The following FER variants were observed in gnomAD, a reference collection of about 807,000 sequenced individuals.
FER encodes FER tyrosine kinase, also known as tyrosine-protein kinase Fer.
FER carries 63 observed loss-of-function variants against 111.0 expected under a neutral mutation model. The ratio of observed to expected loss-of-function variants is 0.57; its 90% CI spans 0.46 to 0.70. The LOEUF (loss-of-function observed/expected upper bound fraction) is 0.70, where lower values mean the gene tolerates loss of function less well. Ranked by LOEUF, FER falls within the 30% of genes least tolerant of loss-of-function variation. The pLI, the probability that FER is intolerant of heterozygous loss-of-function variation, is 0.00. For synonymous variants in FER, 327 were observed against 313.9 expected (o/e 1.04, Z -0.44); for missense variants, 914 against 954.0 (o/e 0.96, Z 0.55).
chr5:108,992,990 G>A lies in FER; in HGVS notation c.1656+33643G>A, dbSNP rs553739091. ...ACTTCCTAGATGGGATGGCGGCCGG[G>A]AAGAGGCGCTCCTCACTTCCTAGAT... On this transcript the variant is annotated intron_variant, in intron 13 of 19. Coordinates refer to ENST00000281092, the MANE Select transcript of FER (RefSeq NM_005246.4). Among the ~76,000 whole-genome samples the A allele has an allele frequency of 5.9e-3, 887 of 151,460 alleles. 4 individuals are homozygous for A. Among genetic ancestry groups the A allele is most frequent in the African/African-American group, 0.021 (849 of 41,052 alleles).
At chr5:108,845,041 CATATATATATATATATAT>C (rs1232663960) in intron 5 of FER, among the ~76,000 whole-genome samples, 13 of 46,388 alleles carry the variant, frequency 2.8e-4, no homozygotes, top group African/African-American at 8.1e-4. Flanking sequence ...TATATATATA[CATATATATATATATATAT>C]ATATATATAC....
intron 3 of FER, chr5:108,818,124 G>A (rs938509888): frequency 3.3e-5 from 5 of 152,126 alleles, no homozygotes; most frequent in East Asian, 3.9e-4. Context: ...CCAAAGAATC[G>A]CATTTAAGAA....
At chr5:109,066,616 A>AT (rs141067249) in intron 16 of FER, among the ~76,000 whole-genome samples, 2,908 of 152,276 alleles carry the variant, frequency 0.019, 202 homozygotes, top group East Asian at 0.15. Flanking sequence ...CGATTAATTT[A>AT]TTTTTTGTTG....
At chr5:109,142,325 C>A (rs527376115) in intron 17 of FER, among the ~76,000 whole-genome samples, 2 of 152,228 alleles carry the variant, frequency 1.3e-5, no homozygotes, top group African/African-American at 4.8e-5. Flanking sequence ...TTCTAATAAT[C>A]TGACCCTAAT....
chr5:109,016,361 T>C (rs1222638496), intron 13 of FER, among the ~76,000 whole-genome samples: 1 of 152,094 alleles, frequency 6.6e-6, no homozygotes, highest in Non-Finnish European at 1.5e-5. Context: ...ATTGTCTTTG[T>C]TGATTAAAAC....
At chr5:109,112,857 T>A (rs2416200) in intron 17 of FER, among the ~76,000 whole-genome samples, 28,378 of 152,096 alleles carry the variant, frequency 0.19, 2,784 homozygotes, top group Non-Finnish European at 0.22. Flanking sequence ...CTTCCTATTC[T>A]TGATGCTGTT....
intron 16 of FER, among the ~76,000 whole-genome samples, chr5:109,094,019 A>G (rs1747161790): frequency 1.3e-5 from 2 of 152,140 alleles, no homozygotes; most frequent in Admixed American, 6.6e-5. Flanking sequence ...AGAGAGGCAG[A>G]CAGTCGAACT....
intron 17 of FER, among the ~76,000 whole-genome samples, chr5:109,161,359 G>C (rs949780384): frequency 3.9e-5 from 6 of 151,996 alleles, no homozygotes; most frequent in African/African-American, 1.2e-4. Context: ...TTGTCACCCA[G>C]GTATTAAGTC....
intron 13 of FER, among the ~76,000 whole-genome samples, chr5:109,020,116 T>C (rs933396683): frequency 3.3e-5 from 5 of 152,016 alleles, no homozygotes; most frequent in African/African-American, 1.2e-4. Flanking sequence ...AAATTAATTG[T>C]ATGTACATTG....
intron 1 of FER, among the ~76,000 whole-genome samples, chr5:108,766,289 A>G (rs1440509437): frequency 6.6e-6 from 1 of 152,224 alleles, no homozygotes; most frequent in African/African-American, 2.4e-5. Context: ...GTTTTATATA[A>G]CAACTCTTGT....
At chr5:109,181,706 CTTAAT>C (rs1383934399) in intron 18 of FER, among the ~76,000 whole-genome samples, 2 of 152,036 alleles carry the variant, frequency 1.3e-5, no homozygotes, top group South Asian at 2.1e-4. Flanking sequence ...TTATAAATGC[CTTAAT>C]TTAATTCCCA....
At chr5:108,799,736 T>C (rs1756421061) in intron 3 of FER, among the ~76,000 whole-genome samples, 1 of 152,206 alleles carries the variant, frequency 6.6e-6, no homozygotes, top group South Asian at 2.1e-4. Context: ...GTATTTTTGG[T>C]ATTTTAAAAG....
chr5:108,760,159 T>G (rs1024237552), intron 1 of FER, among the ~76,000 whole-genome samples: 9 of 35,974 alleles, frequency 2.5e-4, no homozygotes, highest in African/African-American at 2.4e-3. Context: ...CAGTCTTCTG[T>G]TTTTTTTTTT....
chr5:108,754,695 T>A (rs2149910657), intron 1 of FER, among the ~76,000 whole-genome samples: 1 of 152,312 alleles, frequency 6.6e-6, no homozygotes. Context: ...ATAACACTAA[T>A]TGTTGTACAA....
chr5:108,987,458 A>T (rs1762704287), intron 13 of FER, among the ~76,000 whole-genome samples: 1 of 152,178 alleles, frequency 6.6e-6, no homozygotes. Flanking sequence ...AAAAAAAGAA[A>T]ACAAAAAAAT....
intron 16 of FER, among the ~76,000 whole-genome samples, chr5:109,068,277 G>T (rs1020821656): frequency 6.6e-6 from 1 of 151,760 alleles, no homozygotes; most frequent in East Asian, 1.9e-4. Flanking sequence ...TCTGCCTTCC[G>T]GGTTCAAGCA....
chr5:109,060,774 A>G (rs868370549), intron 16 of FER, among the ~76,000 whole-genome samples: 33 of 134,362 alleles, frequency 2.5e-4, no homozygotes, highest in South Asian at 1.7e-3. Flanking sequence ...GTGTGTGTGT[A>G]TATATATATA....
intron 3 of FER, among the ~76,000 whole-genome samples, chr5:108,805,634 G>A (rs1757127179): frequency 1.3e-5 from 2 of 152,178 alleles, no homozygotes; most frequent in Admixed American, 6.5e-5. Flanking sequence ...ATAGAGATGA[G>A]GAACTTGTTG....
At chr5:108,808,616 T>C (rs1160193608) in intron 3 of FER, among the ~76,000 whole-genome samples, 1 of 152,102 alleles carries the variant, frequency 6.6e-6, no homozygotes, top group African/African-American at 2.4e-5. Context: ...TTAATATTAA[T>C]ATGTAAGATT....
Sources: gnomAD v4.1 joint callset for allele counts (sites outside exome capture counted in the v4.1 genomes callset) on GRCh38, gnomAD v4.1.1 for gene constraint, MANE v1.5 for transcripts, NCBI Gene and HGNC (gene_info 2026-07-23, HGNC 2026-07-21) for gene names.